The following KCNH2 variants were observed in gnomAD, a reference collection of about 807,000 sequenced individuals.
KCNH2 encodes potassium voltage-gated channel subfamily H member 2.
KCNH2 carries 35 observed loss-of-function variants against 95.9 expected under a neutral mutation model. The observed-to-expected ratio is 0.37, with a 90% CI of 0.28 to 0.48. KCNH2 has a LOEUF of 0.48. KCNH2 is among the 20% of genes least tolerant of loss of function. KCNH2 has a pLI of 0.99. For synonymous variants in KCNH2, 786 were observed against 754.7 expected, an observed-to-expected ratio of 1.04 and a Z score of -0.68; for missense variants, 1,274 against 1,702.9, an observed-to-expected ratio of 0.75 and a Z score of 4.43.
rs1458852015 is a variant in KCNH2, at chr7:150,946,993, T to A, written c.3214A>T (p.Thr1072Ser). 1 of 1,610,752 alleles carries A rather than the reference T, an allele frequency of 6.2e-7. No individual in the cohort carries two copies. The highest frequency in any genetic ancestry group is 8.5e-7 in the Non-Finnish European group (1 of 1,177,894). Residue 1072 changes from threonine (T) to serine (S), a missense_variant, in exon 14 of 15, where the codon ACG becomes TCG. By Grantham distance (58) the Thr-to-Ser change is moderately conservative. Coordinates refer to ENST00000262186, the MANE Select transcript of KCNH2 (RefSeq NM_000238.4). The surrounding 1 kb of genome is among the most constrained non-coding windows in gnomAD (Gnocchi z 6.5). ...TVLQLLQRQM[T>S]LVPPAYSAVT... ...GCACTGTAGGCGGGCGGGACCAGCGTCATCTGCCTCTGTAGCAGCTGCAGG... is the reference window on the plus strand; with the variant it reads ...GCACTGTAGGCGGGCGGGACCAGCGACATCTGCCTCTGTAGCAGCTGCAGG...
At position 150,946,527 on chromosome 7, in the gene KCNH2, C is replaced by A. The variant is rs1171546213; in HGVS notation, c.3330+350G>T. On this transcript the variant is annotated intron_variant, in intron 14 of 14. Transcript: ENST00000262186. This position sits in a 1 kb window ranked among gnomAD's most constrained non-coding sequence, Gnocchi z 6.5. Reference sequence around the variant, plus strand: ...GCTCAGTCAGTTCTTGGAGACCACCCGTGGCCGTGAGACAGGCACCACCGT... The same window carrying A: ...GCTCAGTCAGTTCTTGGAGACCACCAGTGGCCGTGAGACAGGCACCACCGT... Among the ~76,000 whole-genome samples, 1 of 152,188 alleles carries A rather than the reference C, an allele frequency of 6.6e-6. No homozygotes were observed. The highest frequency in any genetic ancestry group is 1.9e-4 in the East Asian group (1 of 5,188).
At chr7:150,951,333 CT>C in intron 7 of KCNH2, 114 bp downstream of exon 7, 21 of 1,284,870 alleles carry the variant, frequency 1.6e-5, no homozygotes, top group Non-Finnish European at 2.1e-5. Flanking sequence ...ATGGTGGCCC[CT>C]GGAGTCTCTA....
chr7:150,956,457 T>A (rs1563166851), intron 5 of KCNH2, among the ~76,000 whole-genome samples: 1 of 152,206 alleles, frequency 6.6e-6, no homozygotes, highest in Middle Eastern at 3.4e-3. Context: ...CTCCACATTA[T>A]CCCAGGCTTC....
At chr7:150,974,617 A>ACCCCCCC in intron 2 of KCNH2, 94 bp downstream of exon 2, 4 of 119,898 alleles carry the variant, frequency 3.3e-5, no homozygotes, top group Non-Finnish European at 5.8e-5. Flanking sequence ...AGCCGCCCCC[A>ACCCCCCC]CACCCCCACA....
intron 11 of KCNH2, 74 bp downstream of exon 11, chr7:150,948,370 C>A: frequency 1.6e-6 from 2 of 1,239,248 alleles, no homozygotes; most frequent in Non-Finnish European, 2.3e-6. Context: ...AAAGCAGACA[C>A]GGCCCACCCC....
intron 5 of KCNH2, among the ~76,000 whole-genome samples, chr7:150,953,401 C>A (rs763587427): frequency 6.6e-5 from 10 of 152,182 alleles, no homozygotes; most frequent in Admixed American, 6.5e-5. Flanking sequence ...ACCCTCCACT[C>A]GCACACCTCG....
chr7:150,957,961 C>T (rs1352946970), intron 4 of KCNH2, 98 bp downstream of exon 4: 7 of 943,380 alleles, frequency 7.4e-6, no homozygotes, highest in South Asian at 7.1e-5. Flanking sequence ...GCACCCAGGA[C>T]GTAGTGAAAA....
chr7:150,977,221 A>G (rs1217079693), intron 1 of KCNH2, among the ~76,000 whole-genome samples: 1 of 152,160 alleles, frequency 6.6e-6, no homozygotes, highest in Non-Finnish European at 1.5e-5. Flanking sequence ...GCCCAGCTCT[A>G]GCCCCAGGAC....
At chr7:150,951,181 C>A (rs1351679723) in intron 7 of KCNH2, 61 bp from the exon 8 acceptor site, 2 of 1,419,828 alleles carry the variant, frequency 1.4e-6, no homozygotes, top group Non-Finnish European at 1.9e-6. Context: ...CCCACAGGGA[C>A]CCTGCTCAGG....
intron 7 of KCNH2, 85 bp downstream of exon 7, chr7:150,951,363 T>C (rs531426828): frequency 1.3e-6 from 2 of 1,558,544 alleles, no homozygotes; most frequent in African/African-American, 1.4e-5. Context: ...GGCCTCACTC[T>C]GGCCCGGCTA....
chr7:150,972,963 C>T (rs1025466190), intron 2 of KCNH2, among the ~76,000 whole-genome samples: 2 of 152,224 alleles, frequency 1.3e-5, no homozygotes, highest in Admixed American at 1.3e-4. Context: ...AAATCCCCAG[C>T]ACAGCTACAT....
Position 150,961,497 on chromosome 7 carries a change from A to G in KCNH2, c.308-1761T>C, listed in dbSNP as rs1032759172. On this transcript the variant is annotated intron_variant, in intron 2 of 14. Transcript: ENST00000262186. This position sits in a 1 kb window ranked among gnomAD's most constrained non-coding sequence, Gnocchi z 6.2. ...ATATTTTGATAGAGACAGGGTTTTC[A>G]CTGTGTTGGCCAGGCTGGTCTCAAA... Among the ~76,000 whole-genome samples, 8 of 151,956 alleles carry G rather than the reference A, an allele frequency of 5.3e-5. No individual in the cohort carries two copies. The highest frequency in any genetic ancestry group is 1.9e-4 in the African/African-American group (8 of 41,344).
Position 150,959,657 on chromosome 7 carries a change from G to A in KCNH2, c.387C>T (p.Phe129=), listed in dbSNP as rs764831888. ...CCATGTCCTTCTCCATCACCACCTCGAAATTGAGGATGAACATGATGACAG... is the reference window on the plus strand; with the variant it reads ...CCATGTCCTTCTCCATCACCACCTCAAAATTGAGGATGAACATGATGACAG... ...DGAVIMFILN[F]EVVMEKDMVG... Residue 129 remains phenylalanine (F), a synonymous_variant, in exon 3 of 15, where the codon TTC becomes TTT. Coordinates refer to ENST00000262186, the MANE Select transcript of KCNH2 (RefSeq NM_000238.4). 30 of 1,614,042 alleles carry A rather than the reference G, an allele frequency of 1.9e-5. No homozygotes were observed. Among genetic ancestry groups the A allele is most frequent in the South Asian group, 4.4e-5 (4 of 91,084 alleles).
At chr7:150,953,892 C>A (rs1032514567) in intron 5 of KCNH2, among the ~76,000 whole-genome samples, 2 of 152,216 alleles carry the variant, frequency 1.3e-5, no homozygotes, top group South Asian at 4.1e-4. Flanking sequence ...AGCACTGACT[C>A]CCAGGCCCCC....
In KCNH2 at chr7:150,947,358, C is replaced by G; in HGVS notation, c.3122G>C (p.Arg1041Thr). The change falls in exon 13 of 15, where the codon AGG becomes ACG. Residue 1041 changes from arginine (R) to threonine (T), a missense_variant. This residue lies in a region of KCNH2 where 457 missense variants were observed against 416.1 expected (regional missense o/e 1.10). Coordinates refer to ENST00000262186, the MANE Select transcript of KCNH2 (RefSeq NM_000238.4). ...GRRPRGDVESRLDALQRQLNR... is the reference protein window; with the variant it reads ...GRRPRGDVESTLDALQRQLNR... Reference sequence around the variant, plus strand: ...GAGCTGGCGCTGGAGGGCATCCAGCCTGCTCTCCACGTCGCCCCGGGGCCG... The same window carrying G: ...GAGCTGGCGCTGGAGGGCATCCAGCGTGCTCTCCACGTCGCCCCGGGGCCG... 6.5e-7 allele frequency: 1 copy of G among 1,546,038 alleles called. No homozygotes were observed. Among genetic ancestry groups the G allele is most frequent in the Non-Finnish European group, 8.7e-7 (1 of 1,146,998 alleles).
chr7:150,955,886 C>T (rs1387029079), intron 5 of KCNH2: 21 of 992,082 alleles, frequency 2.1e-5, no homozygotes, highest in Non-Finnish European at 2.0e-5. Context: ...CCCGCCCCGC[C>T]GGTGCCCAGC....
Position 150,948,989 on chromosome 7 carries a change from C to T in KCNH2, c.2459G>A (p.Gly820Glu). 6.2e-7 allele frequency: 1 copy of T among 1,614,038 alleles called. No homozygotes were observed. Among genetic ancestry groups the T allele is most frequent in the Non-Finnish European group, 8.5e-7 (1 of 1,179,990 alleles). Reference sequence around the variant, plus strand: ...ACAGTAGGTGAGGGCCCGCACATCCCCGTTCGACTTGCCAGGCCTTGCATA... The same window carrying T: ...ACAGTAGGTGAGGGCCCGCACATCCTCGTTCGACTTGCCAGGCCTTGCATA... The part of the protein sequence containing the change: ...NLYARPGKSN[G>E]DVRALTYCDL... Residue 820 changes from glycine to glutamate, a missense_variant, in exon 10 of 15, where the codon GGG becomes GAG. By Grantham distance (98) the Gly-to-Glu change is moderately conservative. Transcript: ENST00000262186.
At chr7:150,974,990 G>A (rs1176645725) in intron 1 of KCNH2, 49 bp from the exon 2 acceptor site, 6 of 1,474,206 alleles carry the variant, frequency 4.1e-6, no homozygotes, top group Non-Finnish European at 5.5e-6. Context: ...CCCAGCCTCC[G>A]GGACTCCCAG....
At chr7:150,965,063 T>C (rs1045848581) in intron 2 of KCNH2, among the ~76,000 whole-genome samples, 1 of 150,002 alleles carries the variant, frequency 6.7e-6, no homozygotes, top group Admixed American at 6.6e-5. Context: ...AGTGTGTGTG[T>C]GCGCGCGTGT....
Sources: gnomAD v4.1 joint callset for allele counts (sites outside exome capture counted in the v4.1 genomes callset) on GRCh38, gnomAD v4.1.1 for gene constraint, gnomAD v4.1.1 regional missense constraint, Gnocchi (gnomAD v3.1) non-coding constraint, MANE v1.5 for transcripts, NCBI Gene and HGNC (gene_info 2026-07-23, HGNC 2026-07-21) for gene names.